EPHB1: variants seen among roughly 807,000 people sequenced by gnomAD.
EPHB1 encodes ephrin type-B receptor 1.
Under a neutral mutation model 94.4 loss-of-function variants are expected in EPHB1, and 30 were observed. The ratio of observed to expected loss-of-function variants is 0.32; its 90% CI spans 0.24 to 0.43. The LOEUF is 0.43. EPHB1 is among the 20% of genes least tolerant of loss of function. EPHB1 has a pLI of 1.00. For missense variants in EPHB1, 1,055 were observed against 1,308.3 expected (o/e 0.81, Z 2.99); for synonymous variants, 522 against 489.1 (o/e 1.07, Z -0.89).
chr3:135,033,245 C>T lies in EPHB1; in HGVS notation c.806-73203C>T, dbSNP rs148517434. On this transcript the variant is annotated intron_variant, in intron 3 of 15. Transcript: ENST00000398015. ...ATTCTGGAATCGTTTATGGTGGGTTCGGCTTAAAGACAGAGAGACAGTCTC... is the reference window on the plus strand; with the variant it reads ...ATTCTGGAATCGTTTATGGTGGGTTTGGCTTAAAGACAGAGAGACAGTCTC... Among the ~76,000 whole-genome samples, 781 of 152,128 alleles carry T rather than the reference C, an allele frequency of 5.1e-3. 8 individuals are homozygous for T. Among genetic ancestry groups the T allele is most frequent in the African/African-American group, 0.017 (716 of 41,490 alleles).
At chr3:135,130,991 T>G (rs1002592979) in intron 4 of EPHB1, among the ~76,000 whole-genome samples, 9 of 152,134 alleles carry the variant, frequency 5.9e-5, no homozygotes, top group South Asian at 2.1e-4. Flanking sequence ...TGGATGGTAA[T>G]GAATTGTGCA....
At chr3:134,924,706 A>T (rs2038755331) in intron 1 of EPHB1, among the ~76,000 whole-genome samples, 1 of 152,254 alleles carries the variant, frequency 6.6e-6, no homozygotes, top group South Asian at 2.1e-4. Context: ...ACAAAAGAGT[A>T]TTACTCAGCA....
chr3:134,804,468 A>G (rs948479294), intron 1 of EPHB1, among the ~76,000 whole-genome samples: 2 of 152,054 alleles, frequency 1.3e-5, no homozygotes, highest in Non-Finnish European at 2.9e-5. Context: ...GCTAATCCAT[A>G]TCAATGTCCA....
At chr3:135,026,730 G>GT (rs1559800082) in intron 3 of EPHB1, among the ~76,000 whole-genome samples, 1 of 131,790 alleles carries the variant, frequency 7.6e-6, no homozygotes, top group Non-Finnish European at 1.6e-5. Context: ...CTTTAAAGTA[G>GT]TTTTTTCCAA....
At chr3:135,097,806 G>A (rs528243992) in intron 3 of EPHB1, among the ~76,000 whole-genome samples, 1 of 152,304 alleles carries the variant, frequency 6.6e-6, no homozygotes, top group African/African-American at 2.4e-5. Flanking sequence ...CAAGTGCCCA[G>A]GATGATGTAG....
intron 3 of EPHB1, among the ~76,000 whole-genome samples, chr3:135,096,742 C>T (rs898046837): frequency 6.6e-6 from 1 of 152,100 alleles, no homozygotes; most frequent in African/African-American, 2.4e-5. Context: ...GCCATTAATC[C>T]CATTTATGAG....
chr3:134,854,067 A>G (rs72984038), intron 1 of EPHB1, among the ~76,000 whole-genome samples: 2,424 of 152,198 alleles, frequency 0.016, 55 homozygotes, highest in African/African-American at 0.056. Context: ...ATGCCAAAAT[A>G]TGGTGTTGTC....
intron 3 of EPHB1, among the ~76,000 whole-genome samples, chr3:135,094,988 C>T (rs1938705888): frequency 6.6e-6 from 1 of 152,202 alleles, no homozygotes; most frequent in Non-Finnish European, 1.5e-5. Context: ...TGTCTGCAGG[C>T]CAGCGGTCAA....
intron 9 of EPHB1, among the ~76,000 whole-genome samples, chr3:135,169,023 C>T (rs921692139): frequency 4.6e-5 from 7 of 152,206 alleles, no homozygotes; most frequent in Middle Eastern, 3.4e-3. Flanking sequence ...TGTGCCCTTT[C>T]GGCTACTGCA....
At chr3:135,139,652 G>T (rs1940749400) in intron 5 of EPHB1, among the ~76,000 whole-genome samples, 1 of 152,178 alleles carries the variant, frequency 6.6e-6, no homozygotes, top group Non-Finnish European at 1.5e-5. Flanking sequence ...CACAAAGTAA[G>T]CAGGTGACTG....
intron 4 of EPHB1, among the ~76,000 whole-genome samples, chr3:135,116,960 C>A (rs920285627): frequency 1.1e-4 from 17 of 152,192 alleles, no homozygotes; most frequent in Admixed American, 8.5e-4. Context: ...TAAAGCCAGA[C>A]CCACACACAT....
Position 135,025,443 on chromosome 3 carries a change from T to C in EPHB1, c.805+73391T>C, listed in dbSNP as rs1316451593. The stretch of plus-strand genomic sequence containing the variant: ...GATCTCATTGTTCAGTTCCCACCTA[T>C]GAGTGAGAATATGCGGTGTTTGGTT... On this transcript the variant is annotated intron_variant, in intron 3 of 15. Transcript: ENST00000398015. Among the ~76,000 whole-genome samples, 8 of 95,410 alleles carry C rather than the reference T, an allele frequency of 8.4e-5. No individual in the cohort carries two copies. The East Asian group carries it at 2.3e-3, about 27-fold the overall frequency. The allele number at this position is 95,410 out of a possible 152,430, so 62.6% of individuals were successfully genotyped here. A position where few individuals can be genotyped will look rare whatever the true frequency, so the allele number is the denominator to read the frequency against.
intron 5 of EPHB1, among the ~76,000 whole-genome samples, chr3:135,141,792 G>C (rs1313769197): frequency 1.3e-5 from 2 of 152,094 alleles, no homozygotes; most frequent in Non-Finnish European, 2.9e-5. Context: ...AGGGCTCTCA[G>C]AGTGGCATTG....
intron 3 of EPHB1, among the ~76,000 whole-genome samples, chr3:134,961,224 G>T (rs774147122): frequency 3.3e-5 from 5 of 152,154 alleles, no homozygotes; most frequent in African/African-American, 4.8e-5. Context: ...ATGTCCAGAG[G>T]ATGCTGTGGC....
At chr3:135,083,568 A>G (rs532677101) in intron 3 of EPHB1, among the ~76,000 whole-genome samples, 14 of 151,940 alleles carry the variant, frequency 9.2e-5, no homozygotes, top group Admixed American at 5.2e-4. Flanking sequence ...CCCAGCAGAA[A>G]TGGCATGAAA....
At chr3:135,145,482 G>A (rs1036539751) in intron 5 of EPHB1, among the ~76,000 whole-genome samples, 2 of 152,178 alleles carry the variant, frequency 1.3e-5, no homozygotes, top group African/African-American at 4.8e-5. Flanking sequence ...CAGAGTCTGG[G>A]TTGGGGAGAT....
intron 4 of EPHB1, among the ~76,000 whole-genome samples, chr3:135,131,192 G>A (rs574760606): frequency 2.0e-5 from 3 of 152,332 alleles, no homozygotes; most frequent in African/African-American, 4.8e-5. Flanking sequence ...TGTCACATGC[G>A]TGCATGAACG....
At chr3:135,002,940 T>C (rs1935238773) in intron 3 of EPHB1, among the ~76,000 whole-genome samples, 2 of 152,168 alleles carry the variant, frequency 1.3e-5, no homozygotes, top group Non-Finnish European at 2.9e-5. Context: ...TTGAAGGGTT[T>C]TTTGTGTCTC....
chr3:135,258,977 C>T, intron 15 of EPHB1, 35 bp from the exon 16 acceptor site: 1 of 1,521,476 alleles, frequency 6.6e-7, no homozygotes, highest in Non-Finnish European at 9.0e-7. Flanking sequence ...TAACCTAACA[C>T]TAAAGTGACT....
Sources: gnomAD v4.1 joint callset for allele counts (sites outside exome capture counted in the v4.1 genomes callset) on GRCh38, gnomAD v4.1.1 for gene constraint, MANE v1.5 for transcripts, NCBI Gene and HGNC (gene_info 2026-07-23, HGNC 2026-07-21) for gene names.